KCNJ6: variants seen among roughly 807,000 people sequenced by gnomAD.
KCNJ6 encodes the protein G protein-activated inward rectifier potassium channel 2.
A neutral mutation model predicts 34.2 loss-of-function variants in KCNJ6; 9 were observed. The ratio of observed to expected loss-of-function variants is 0.26; its 90% confidence interval spans 0.16 to 0.46. KCNJ6 has a LOEUF of 0.46. Among genes scored for constraint, KCNJ6 ranks in the 20% least tolerant of loss-of-function variants. KCNJ6 has a pLI of 1.00. For synonymous variants in KCNJ6, 196 were observed against 207.1 expected, an observed-to-expected ratio of 0.95 and a Z score of 0.46; for missense variants, 236 against 531.3, an observed-to-expected ratio of 0.44 and a Z score of 5.46.
chr21:37,651,235 C>T (rs1437338619), intron 3 of KCNJ6, among the ~76,000 whole-genome samples: 1 of 152,074 alleles, frequency 6.6e-6, no homozygotes, highest in Non-Finnish European at 1.5e-5. Flanking sequence ...GGAGCAGTGA[C>T]TGTGTTGTGG....
chr21:37,912,587 C>T (rs868716852), intron 1 of KCNJ6, among the ~76,000 whole-genome samples: 82 of 152,218 alleles, frequency 5.4e-4, no homozygotes, highest in Middle Eastern at 3.2e-3. Flanking sequence ...GGAACAGCTG[C>T]GTTGTTTAAT....
intron 2 of KCNJ6, among the ~76,000 whole-genome samples, chr21:37,730,501 C>A (rs2054878768): frequency 6.6e-6 from 1 of 152,206 alleles, no homozygotes; most frequent in Non-Finnish European, 1.5e-5. Flanking sequence ...GGCACCTGGT[C>A]CACAGCAGCC....
At chr21:37,703,259 T>G (rs544065704) in intron 3 of KCNJ6, among the ~76,000 whole-genome samples, 1 of 152,080 alleles carries the variant, frequency 6.6e-6, no homozygotes, top group African/African-American at 2.4e-5. Context: ...GCTGAGGGAA[T>G]GGGAGTTGGA....
At chr21:37,873,932 T>C (rs1051802568) in intron 1 of KCNJ6, among the ~76,000 whole-genome samples, 2 of 152,192 alleles carry the variant, frequency 1.3e-5, no homozygotes, top group African/African-American at 2.4e-5. Context: ...CATCAGCTGT[T>C]ACCACTCCAC....
chr21:37,806,828 C>A (rs1377065447), intron 2 of KCNJ6, among the ~76,000 whole-genome samples: 3 of 151,982 alleles, frequency 2.0e-5, no homozygotes, highest in African/African-American at 7.2e-5. Flanking sequence ...ATAAATGAAA[C>A]ATAAAAATAA....
At chr21:37,746,957 G>A (rs1027891575) in intron 2 of KCNJ6, among the ~76,000 whole-genome samples, 3 of 152,122 alleles carry the variant, frequency 2.0e-5, no homozygotes, top group Non-Finnish European at 2.9e-5. Context: ...CCTTATATTC[G>A]CTGATATTTT....
rs532901944 is a variant in KCNJ6 at position 37,911,841 on chromosome 21, C to T, written c.-28+4043G>A. 5.3e-5 allele frequency among the ~76,000 whole-genome samples: 8 copies of T among 152,262 alleles called. No homozygotes were observed. The South Asian group carries it at 1.7e-3, about 32-fold the overall frequency. ...CCTTGAGAACAGCAACATTTTCTAC[C>T]TGTGAAAATCAGTGAATGGGGTTAA... On this transcript the variant is annotated intron_variant, in intron 1 of 3. Coordinates refer to ENST00000609713, the MANE Select transcript of KCNJ6 (RefSeq NM_002240.5).
chr21:37,818,549 C>A lies in KCNJ6; in HGVS notation c.25+22109G>T, dbSNP rs142948229. ...TTTACCACATCCCCTCCTCCCATGT[C>A]ACTAAATGTAGGTCTCTATAGTAAC... On this transcript the variant is annotated intron_variant, in intron 2 of 3. Transcript: ENST00000609713. Among the ~76,000 whole-genome samples, 13 of 152,250 alleles carry A rather than the reference C, an allele frequency of 8.5e-5. No homozygotes were observed. The East Asian group carries it at 2.5e-3, about 29-fold the overall frequency.
At chr21:37,867,216 G>A (rs1346795102) in intron 1 of KCNJ6, among the ~76,000 whole-genome samples, 1 of 152,116 alleles carries the variant, frequency 6.6e-6, no homozygotes, top group Non-Finnish European at 1.5e-5. Context: ...TTGCCTGAGA[G>A]TCATGATTTT....
chr21:37,727,639 T>C lies in KCNJ6; in HGVS notation c.26-12508A>G, dbSNP rs1459129140. On this transcript the variant is annotated intron_variant, in intron 2 of 3. Transcript: ENST00000609713. The stretch of plus-strand genomic sequence containing the variant: ...GGAAGAGGGATAGTCGGGTGTTTGA[T>C]AGAATAGAAGTCAAGACAAAATGCT... Among the ~76,000 whole-genome samples, 3 of 152,010 alleles carry C rather than the reference T, an allele frequency of 2.0e-5. No homozygotes were observed. In the East Asian group the frequency reaches 5.8e-4, roughly 29 times the overall value.
intron 2 of KCNJ6, among the ~76,000 whole-genome samples, chr21:37,777,987 C>T (rs2055150263): frequency 2.6e-5 from 4 of 152,140 alleles, no homozygotes. Flanking sequence ...GGGAGTGTTG[C>T]CTGTTCTAGA....
At chr21:37,770,384 G>A (rs193027204) in intron 2 of KCNJ6, among the ~76,000 whole-genome samples, 37 of 152,064 alleles carry the variant, frequency 2.4e-4, no homozygotes, top group African/African-American at 8.4e-4. Flanking sequence ...AATTTATAGA[G>A]AAGGAATTGA....
At chr21:37,794,065 G>A (rs1181674155) in intron 2 of KCNJ6, among the ~76,000 whole-genome samples, 3 of 152,190 alleles carry the variant, frequency 2.0e-5, no homozygotes, top group South Asian at 2.1e-4. Flanking sequence ...GTGTGTGCAC[G>A]CATGTGTGTG....
At position 37,715,073 on chromosome 21, in the gene KCNJ6, G is replaced by A. The variant is rs1335144905; in HGVS notation, c.84C>T (p.His28=). 2.5e-6 allele frequency: 4 copies of A among 1,614,092 alleles called. No homozygotes were observed. The highest frequency in any genetic ancestry group is 3.4e-6 in the Non-Finnish European group (4 of 1,180,052). ...TGGCCTGCTTAGGCAACTTTGGCTG[G>A]TGAATGGCCACTGGGCTTTCGACGT... ...DQDVESPVAI[H]QPKLPKQARD... The change falls in exon 3 of 4, where the codon CAC becomes CAT. Residue 28 remains histidine (H), a synonymous_variant. Coordinates refer to ENST00000609713, the MANE Select transcript of KCNJ6 (RefSeq NM_002240.5).
intron 3 of KCNJ6, among the ~76,000 whole-genome samples, chr21:37,700,693 G>A (rs1345808466): frequency 6.6e-6 from 1 of 152,170 alleles, no homozygotes; most frequent in African/African-American, 2.4e-5. Context: ...TTGGGTACTA[G>A]AGACAGGTAC....
chr21:37,818,895 G>A (rs1291657905), intron 2 of KCNJ6, among the ~76,000 whole-genome samples: 2 of 87,680 alleles, frequency 2.3e-5, no homozygotes, highest in African/African-American at 4.5e-5. Context: ...AGAGAAATAA[G>A]TGGTTGGATA....
At chr21:37,908,761 G>A (rs1008526175) in intron 1 of KCNJ6, among the ~76,000 whole-genome samples, 2 of 151,992 alleles carry the variant, frequency 1.3e-5, no homozygotes, top group Admixed American at 6.6e-5. Context: ...ATGATTCAAG[G>A]GCACCAGGAA....
intron 1 of KCNJ6, among the ~76,000 whole-genome samples, chr21:37,899,485 A>C (rs369959527): frequency 1.3e-5 from 2 of 152,140 alleles, no homozygotes; most frequent in East Asian, 3.9e-4. Context: ...TCAAGTCTAA[A>C]AATTATAACA....
At chr21:37,718,236 C>T (rs2054804578) in intron 2 of KCNJ6, among the ~76,000 whole-genome samples, 2 of 152,160 alleles carry the variant, frequency 1.3e-5, no homozygotes, top group African/African-American at 2.4e-5. Context: ...GGTGAAGGAG[C>T]CTGGATCCTG....
Sources: gnomAD v4.1 joint callset for allele counts (sites outside exome capture counted in the v4.1 genomes callset) on GRCh38, gnomAD v4.1.1 for gene constraint, MANE v1.5 for transcripts, NCBI Gene and HGNC (gene_info 2026-07-23, HGNC 2026-07-21) for gene names.